DLGAP2: variants seen among roughly 807,000 people sequenced by gnomAD.
The protein encoded by DLGAP2 is disks large-associated protein 2.
A neutral mutation model predicts 100.3 loss-of-function variants in DLGAP2; 26 were observed. That is an observed-to-expected ratio of 0.26 (90% CI 0.19 to 0.36). The LOEUF is 0.36. Ranked by LOEUF, DLGAP2 falls within the 10% of genes least tolerant of loss-of-function variation. The pLI is 1.00. For missense variants in DLGAP2, 1,858 were observed against 1,453.2 expected (o/e 1.28, Z -4.53); for synonymous variants, 886 against 630.1 (o/e 1.41, Z -6.08).
intron 3 of DLGAP2, among the ~76,000 whole-genome samples, chr8:1,309,823 C>T (rs181845547): frequency 6.6e-5 from 10 of 152,154 alleles, no homozygotes; most frequent in South Asian, 4.1e-4. Flanking sequence ...GGCCGGGCGC[C>T]GTGGCTGACG....
chr8:1,120,125 C>T (rs897801048), intron 2 of DLGAP2, among the ~76,000 whole-genome samples: 1 of 152,148 alleles, frequency 6.6e-6, no homozygotes, highest in South Asian at 2.1e-4. Flanking sequence ...CCCATTTCAC[C>T]ACCGTTGGGT....
chr8:810,027 C>G (rs1156504510), intron 1 of DLGAP2, among the ~76,000 whole-genome samples: 3 of 152,230 alleles, frequency 2.0e-5, no homozygotes, highest in African/African-American at 4.8e-5. Context: ...CTAACTCCTC[C>G]TCTCAGCAGG....
chr8:846,851 A>G (rs1205135868), intron 1 of DLGAP2, among the ~76,000 whole-genome samples: 3 of 152,096 alleles, frequency 2.0e-5, no homozygotes, highest in African/African-American at 7.2e-5. Flanking sequence ...TTTCCCAGTG[A>G]TGAGTGATGT....
chr8:1,366,771 G>T (rs556988371), intron 3 of DLGAP2, among the ~76,000 whole-genome samples: 1 of 152,296 alleles, frequency 6.6e-6, no homozygotes, highest in South Asian at 2.1e-4. Context: ...CTTCTGTCTC[G>T]GGTCCCCGCA....
chr8:805,547 CA>C (rs1213478219), intron 1 of DLGAP2, among the ~76,000 whole-genome samples: 1 of 152,210 alleles, frequency 6.6e-6, no homozygotes, highest in East Asian at 1.9e-4. Flanking sequence ...GCCCTTGTGT[CA>C]GTTGTTTTGA....
At chr8:934,715 G>T (rs1202593369) in intron 2 of DLGAP2, among the ~76,000 whole-genome samples, 2 of 152,090 alleles carry the variant, frequency 1.3e-5, no homozygotes, top group African/African-American at 4.8e-5. Flanking sequence ...GCTCAGGGAG[G>T]CGGTGGACCC....
Position 1,679,665 on chromosome 8 carries a change from A to C in DLGAP2, c.2704+1036A>C, listed in dbSNP as rs147423614. Among the ~76,000 whole-genome samples, 218 of 152,276 alleles carry C rather than the reference A, an allele frequency of 1.4e-3. 4 individuals carry two copies. Among genetic ancestry groups the C allele is most frequent in the African/African-American group, 4.9e-3 (203 of 41,560 alleles). On this transcript the variant is annotated intron_variant, in intron 12 of 14. Transcript: ENST00000637795. ...GCCCCTTATTCTCCGCCTTTCTCCC[A>C]TCTGCCTAGAGAAACCTACCATCAA...
intron 2 of DLGAP2, among the ~76,000 whole-genome samples, chr8:987,243 T>C (rs922496523): frequency 1.6e-4 from 24 of 152,138 alleles, no homozygotes; most frequent in African/African-American, 5.8e-4. Context: ...TCAGGAAGCC[T>C]GGGCAGAGAT....
At chr8:987,841 TA>T (rs1369580962) in intron 2 of DLGAP2, among the ~76,000 whole-genome samples, 1 of 152,160 alleles carries the variant, frequency 6.6e-6, no homozygotes, top group Non-Finnish European at 1.5e-5. Flanking sequence ...ATATGACAGA[TA>T]AAAAGGATCC....
At chr8:1,134,146 C>A (rs1796354537) in intron 2 of DLGAP2, among the ~76,000 whole-genome samples, 1 of 152,216 alleles carries the variant, frequency 6.6e-6, no homozygotes, top group African/African-American at 2.4e-5. Flanking sequence ...CCAGTTCCAT[C>A]TGTGTTCCTG....
In DLGAP2 at chr8:1,600,935, TGGA is replaced by T. The variant is rs548699871; in HGVS notation, c.1443-25800_1443-25798del. ...TTGCTGGTGAGGAGTTGTGATCGTT[TGGA>T]GGAGAAGAGGCTTTCTGGTTTTTGG... On this transcript the variant is annotated intron_variant, in intron 6 of 14. Transcript: ENST00000637795. Among the ~76,000 whole-genome samples the T allele has an allele frequency of 1.1e-3, 164 of 152,346 alleles. 1 individual carries two copies. Among genetic ancestry groups the T allele is most frequent in the East Asian group, 5.6e-3 (29 of 5,188 alleles).
intron 3 of DLGAP2, among the ~76,000 whole-genome samples, chr8:1,451,691 C>T (rs1230050172): frequency 6.6e-6 from 1 of 152,144 alleles, no homozygotes; most frequent in Non-Finnish European, 1.5e-5. Flanking sequence ...CCTTCTCAGC[C>T]ATCACACAGC....
chr8:1,470,271 G>A (rs1387704077), intron 3 of DLGAP2, among the ~76,000 whole-genome samples: 4 of 152,116 alleles, frequency 2.6e-5, no homozygotes, highest in African/African-American at 9.7e-5. Context: ...GTTAAGTCCT[G>A]GCAGCCAGGT....
Position 1,374,068 on chromosome 8 carries a change from ACGGCTGTGTGGTGG to A in DLGAP2, c.106+115186_106+115199del, listed in dbSNP as rs1802325029. On this transcript the variant is annotated intron_variant, in intron 3 of 14. Transcript: ENST00000637795. ...GGTGGAGGTTAGGTTAGGTTTGCAG[ACGGCTGTGTGGTGG>A]AGGTTAGGTTAGGTTTGCAGAGGAC... is the stretch of plus-strand genomic sequence containing the variant. 1.3e-4 allele frequency among the ~76,000 whole-genome samples: 19 copies of A among 151,476 alleles called. 1 individual carries two copies. The highest frequency in any genetic ancestry group is 1.2e-3 in the Admixed American group (18 of 15,198).
intron 2 of DLGAP2, among the ~76,000 whole-genome samples, chr8:956,574 C>T (rs1051108055): frequency 1.1e-4 from 16 of 152,240 alleles, no homozygotes; most frequent in East Asian, 7.7e-4. Flanking sequence ...GCCACAGAGC[C>T]ACGCATCGTG....
intron 3 of DLGAP2, among the ~76,000 whole-genome samples, chr8:1,328,974 C>A (rs913921869): frequency 6.6e-6 from 1 of 152,204 alleles, no homozygotes; most frequent in Non-Finnish European, 1.5e-5. Context: ...ATGAATTATG[C>A]GTGGAAGGCA....
intron 1 of DLGAP2, among the ~76,000 whole-genome samples, chr8:893,869 A>C (rs1008086878): frequency 5.9e-5 from 9 of 152,150 alleles, no homozygotes; most frequent in Admixed American, 2.6e-4. Flanking sequence ...TTGCTGTGAC[A>C]ATGCGGATGT....
intron 4 of DLGAP2, among the ~76,000 whole-genome samples, chr8:1,504,820 G>T (rs1276396979): frequency 6.6e-6 from 1 of 152,194 alleles, no homozygotes; most frequent in African/African-American, 2.4e-5. Flanking sequence ...GTGGTGAACA[G>T]CATCTTAACG....
intron 4 of DLGAP2, among the ~76,000 whole-genome samples, chr8:1,521,017 T>C (rs1385550875): frequency 6.6e-6 from 1 of 152,188 alleles, no homozygotes; most frequent in Non-Finnish European, 1.5e-5. Context: ...CGGCGTGTGG[T>C]ACTGTTGGGG....
Sources: allele counts gnomAD v4.1 joint callset (sites outside exome capture counted in the v4.1 genomes callset), GRCh38; gene constraint gnomAD v4.1.1; transcripts MANE v1.5; gene names NCBI Gene and HGNC (gene_info 2026-07-23, HGNC 2026-07-21).